Variants in MYO16 observed in about 807,000 individuals in gnomAD.
MYO16 encodes the protein myosin XVI, also known as unconventional myosin-XVI.
MYO16 carries 94 observed loss-of-function variants against 205.3 expected under a neutral mutation model. That is an observed-to-expected ratio of 0.46 (90% CI 0.39 to 0.54). The LOEUF (loss-of-function observed/expected upper bound fraction) is 0.54. Ranked by LOEUF, MYO16 falls within the 20% of genes least tolerant of loss-of-function variation. The pLI is 0.00. For synonymous variants in MYO16, 988 were observed against 954.0 expected, an observed-to-expected ratio of 1.04 and a Z score of -0.66; for missense variants, 2,315 against 2,387.5, an observed-to-expected ratio of 0.97 and a Z score of 0.63.
At chr13:109,177,449 C>A (rs551842109) in intron 33 of MYO16, among the ~76,000 whole-genome samples, 2 of 152,284 alleles carry the variant, frequency 1.3e-5, no homozygotes, top group Non-Finnish European at 2.9e-5. Context: ...AGCTTATACC[C>A]TTTCAACTGA....
intron 16 of MYO16, among the ~76,000 whole-genome samples, chr13:108,951,747 T>C (rs933285311): frequency 6.6e-6 from 1 of 152,174 alleles, no homozygotes; most frequent in African/African-American, 2.4e-5. Context: ...TATTAACTAG[T>C]CTCCTTCAGT....
intron 20 of MYO16, among the ~76,000 whole-genome samples, chr13:108,983,900 A>G (rs369666422): frequency 1.3e-5 from 2 of 152,172 alleles, no homozygotes; most frequent in Non-Finnish European, 2.9e-5. Flanking sequence ...AGTTGACCCA[A>G]CTACCTATAG....
rs58167127 is a variant in MYO16, at chr13:109,158,937, C to A, written c.5165-5964C>A. 4.1e-3 allele frequency among the ~76,000 whole-genome samples: 629 copies of A among 152,276 alleles called. 3 individuals carry two copies. Among genetic ancestry groups the A allele is most frequent in the African/African-American group, 0.015 (607 of 41,528 alleles). Reference sequence around the variant, plus strand: ...CCCCTTCACGTAACTACGGGTCAACCCACTGTGCCCACTCCAGTCACCAGG... The same window carrying A: ...CCCCTTCACGTAACTACGGGTCAACACACTGTGCCCACTCCAGTCACCAGG... On this transcript the variant is annotated intron_variant, in intron 32 of 34. Transcript: ENST00000457511.
At chr13:108,597,116 T>C (rs1228102245) in intron 1 of MYO16, among the ~76,000 whole-genome samples, 1 of 152,208 alleles carries the variant, frequency 6.6e-6, no homozygotes, top group Non-Finnish European at 1.5e-5. Flanking sequence ...ACAGCCATCA[T>C]TTATGAATGC....
chr13:108,884,078 C>T (rs1879741812), intron 13 of MYO16, among the ~76,000 whole-genome samples: 1 of 152,188 alleles, frequency 6.6e-6, no homozygotes, highest in African/African-American at 2.4e-5. Flanking sequence ...TATAAATACT[C>T]ACTCACGGTA....
intron 21 of MYO16, 67 bp from the exon 22 acceptor site, chr13:109,008,830 A>G: frequency 8.8e-7 from 1 of 1,142,074 alleles, no homozygotes; most frequent in African/African-American, 1.6e-5. Context: ...GCACTACTGT[A>G]CTATCTATCT....
chr13:109,109,349 T>G (rs1200285280), intron 28 of MYO16, among the ~76,000 whole-genome samples: 1 of 152,228 alleles, frequency 6.6e-6, no homozygotes, highest in African/African-American at 2.4e-5. Flanking sequence ...TAGAGCTAAA[T>G]GGTTCGGAAC....
chr13:108,501,762 T>C, the MYO16 span, among the ~76,000 whole-genome samples: 2 of 152,214 alleles, frequency 1.3e-5, no homozygotes, highest in African/African-American at 2.4e-5. Context: ...GAATAAAGAA[T>C]GTGTGACCGA....
At chr13:108,980,786 G>C (rs892620460) in intron 20 of MYO16, among the ~76,000 whole-genome samples, 1 of 152,192 alleles carries the variant, frequency 6.6e-6, no homozygotes. Context: ...GTGAAGCTAC[G>C]ATTATTGTGG....
intron 20 of MYO16, among the ~76,000 whole-genome samples, chr13:108,978,832 G>T (rs780107434): frequency 2.4e-4 from 37 of 151,986 alleles, no homozygotes; most frequent in Middle Eastern, 3.2e-3. Flanking sequence ...CATTTGAAAG[G>T]AGAGTTGGCT....
intron 28 of MYO16, among the ~76,000 whole-genome samples, chr13:109,118,211 A>G (rs190029802): frequency 3.2e-4 from 48 of 152,298 alleles, no homozygotes; most frequent in Middle Eastern, 3.4e-3. Flanking sequence ...ACATAACTCT[A>G]TGTCCTGAGC....
chr13:109,067,896 G>A (rs900002523), intron 27 of MYO16, among the ~76,000 whole-genome samples: 3 of 152,012 alleles, frequency 2.0e-5, no homozygotes, highest in South Asian at 4.2e-4. Flanking sequence ...GTACATTTTC[G>A]CTTAAAACAA....
intron 10 of MYO16, among the ~76,000 whole-genome samples, chr13:108,852,380 C>T (rs1286036694): frequency 6.6e-6 from 1 of 152,126 alleles, no homozygotes; most frequent in African/African-American, 2.4e-5. Flanking sequence ...ACTGGAATTC[C>T]GCCTGTTCCC....
At chr13:108,886,032 G>A (rs749963965) in intron 13 of MYO16, among the ~76,000 whole-genome samples, 3 of 151,892 alleles carry the variant, frequency 2.0e-5, no homozygotes, top group Non-Finnish European at 4.4e-5. Context: ...CTGTCGCCCA[G>A]GCTGGAGTGC....
At chr13:108,911,891 A>G (rs1881284663) in intron 16 of MYO16, among the ~76,000 whole-genome samples, 1 of 152,246 alleles carries the variant, frequency 6.6e-6, no homozygotes, top group Non-Finnish European at 1.5e-5. Flanking sequence ...TGAGGTAAAG[A>G]GATCAAGAAT....
chr13:109,003,596 A>T (rs1885290610), intron 21 of MYO16, among the ~76,000 whole-genome samples: 1 of 152,180 alleles, frequency 6.6e-6, no homozygotes, highest in African/African-American at 2.4e-5. Flanking sequence ...GAAAGCTGAG[A>T]CCTGGCTTCT....
At chr13:108,779,251 A>T (rs1886222249) in intron 4 of MYO16, among the ~76,000 whole-genome samples, 1 of 152,352 alleles carries the variant, frequency 6.6e-6, no homozygotes, top group East Asian at 1.9e-4. Context: ...GGACCACCCC[A>T]TTCTTGAAAG....
Position 108,712,718 on chromosome 13 carries a change from C to T in MYO16, c.350C>T (p.Ser117Phe). The part of the protein sequence containing the change: ...DPHTLVSSGG[S>F]LLHLCARYDN... ...CACACCCTCGTCTCCTCGGGAGGGT[C>T]CCTGCTCCATCTGGTAAGAACCGCG... Residue 117 changes from serine (S) to phenylalanine (F), a missense_variant, in exon 3 of 35, where the codon TCC (serine) becomes TTC (phenylalanine). By Grantham distance (155) the Ser-to-Phe change is radical. This residue lies in a region of MYO16 where 1,213 missense variants were observed against 1,274.4 expected (regional missense o/e 0.95). Coordinates refer to ENST00000457511, the MANE Select transcript of MYO16 (RefSeq NM_001198950.3). The T allele has an allele frequency of 6.2e-7, 1 of 1,613,286 alleles. No homozygotes were observed. Among genetic ancestry groups the T allele is most frequent in the Middle Eastern group, 1.7e-4 (1 of 6,054 alleles).
chr13:108,913,396 T>G (rs1007736546), intron 16 of MYO16, among the ~76,000 whole-genome samples: 2 of 152,206 alleles, frequency 1.3e-5, no homozygotes, highest in African/African-American at 4.8e-5. Context: ...CTTCTCACAT[T>G]TATAATGTTG....
Sources: allele counts gnomAD v4.1 joint callset (sites outside exome capture counted in the v4.1 genomes callset), GRCh38; gene constraint gnomAD v4.1.1; regional missense constraint gnomAD v4.1.1; transcripts MANE v1.5; gene names NCBI Gene and HGNC (gene_info 2026-07-23, HGNC 2026-07-21).